The following GPC5 variants were observed in gnomAD, a reference collection of about 807,000 sequenced individuals.
The protein encoded by GPC5 is glypican-5.
GPC5 carries 47 observed loss-of-function variants against 53.9 expected under a neutral mutation model. The observed-to-expected ratio is 0.87, with a 90% confidence interval of 0.69 to 1.11. The LOEUF (loss-of-function observed/expected upper bound fraction) is 1.11, where lower values mean the gene tolerates loss of function less well. Ranked by LOEUF, GPC5 falls within the 50% of genes most tolerant of loss-of-function variation. GPC5 has a pLI of 0.00. For missense variants in GPC5, 748 were observed against 713.1 expected (o/e 1.05, Z -0.56); for synonymous variants, 286 against 263.3 (o/e 1.09, Z -0.84).
chr13:91,576,694 C>T (rs2032149625), intron 2 of GPC5, among the ~76,000 whole-genome samples: 1 of 152,090 alleles, frequency 6.6e-6, no homozygotes, highest in African/African-American at 2.4e-5. Context: ...AGAGCTGCAA[C>T]AATGGAAAGG....
chr13:91,721,966 A>G (rs1342673212), intron 3 of GPC5, among the ~76,000 whole-genome samples: 7 of 152,206 alleles, frequency 4.6e-5, no homozygotes. Flanking sequence ...TCACTGGAAT[A>G]TAAGCTCCTA....
chr13:91,889,899 T>A (rs1396154097), intron 5 of GPC5, among the ~76,000 whole-genome samples: 2 of 152,302 alleles, frequency 1.3e-5, no homozygotes, highest in Middle Eastern at 3.4e-3. Flanking sequence ...AAATAAAATG[T>A]TATCAATCAA....
intron 5 of GPC5, among the ~76,000 whole-genome samples, chr13:91,775,650 A>G (rs1462201076): frequency 6.6e-6 from 1 of 152,204 alleles, no homozygotes; most frequent in Non-Finnish European, 1.5e-5. Context: ...TTCAAAATCA[A>G]AAGTAAATGT....
chr13:92,751,031 C>T (rs955205548), intron 7 of GPC5, among the ~76,000 whole-genome samples: 4 of 151,994 alleles, frequency 2.6e-5, no homozygotes, highest in Non-Finnish European at 5.9e-5. Flanking sequence ...TAGTATAAAA[C>T]AGCACCTCTA....
intron 6 of GPC5, among the ~76,000 whole-genome samples, chr13:92,084,287 A>T (rs1165687061): frequency 1.3e-5 from 2 of 152,204 alleles, no homozygotes; most frequent in African/African-American, 4.8e-5. Context: ...AATTTTTTTT[A>T]AATATAACAT....
chr13:92,746,528 A>C (rs931014479), intron 7 of GPC5, among the ~76,000 whole-genome samples: 1 of 152,110 alleles, frequency 6.6e-6, no homozygotes, highest in African/African-American at 2.4e-5. Context: ...CAAAGGAATT[A>C]ATACAGGTTT....
intron 7 of GPC5, among the ~76,000 whole-genome samples, chr13:92,646,791 T>G (rs1174695307): frequency 7.2e-6 from 1 of 139,294 alleles, no homozygotes; most frequent in East Asian, 1.9e-4. Flanking sequence ...TTGCAAATGG[T>G]ATTATGTTTT....
intron 7 of GPC5, among the ~76,000 whole-genome samples, chr13:92,465,277 T>C (rs1422869209): frequency 6.6e-6 from 1 of 151,950 alleles, no homozygotes; most frequent in African/African-American, 2.4e-5. Context: ...TATAGAAGCA[T>C]TTTATGCAGC....
At chr13:92,212,061 G>A (rs1384301302) in intron 7 of GPC5, among the ~76,000 whole-genome samples, 1 of 149,330 alleles carries the variant, frequency 6.7e-6, no homozygotes, top group Admixed American at 6.7e-5. Flanking sequence ...TCCGCAGGTG[G>A]TAAGTGCCAC....
chr13:91,449,584 A>T (rs761073427), intron 2 of GPC5, among the ~76,000 whole-genome samples: 1 of 152,068 alleles, frequency 6.6e-6, no homozygotes, highest in Non-Finnish European at 1.5e-5. Context: ...CTCTAATCTC[A>T]TATGGTTTTC....
At chr13:92,584,027 C>A (rs977310219) in intron 7 of GPC5, among the ~76,000 whole-genome samples, 2 of 152,152 alleles carry the variant, frequency 1.3e-5, no homozygotes, top group African/African-American at 4.8e-5. Context: ...AAACCTCTTT[C>A]TTTTGTGAAT....
At chr13:91,946,038 T>G (rs1004969678) in intron 6 of GPC5, among the ~76,000 whole-genome samples, 4 of 152,152 alleles carry the variant, frequency 2.6e-5, no homozygotes, top group African/African-American at 9.7e-5. Flanking sequence ...CGGGGGCTTC[T>G]ACTTCTGGGT....
At position 91,965,088 on chromosome 13, in the gene GPC5, T is replaced by TG. The variant is rs946914187; in HGVS notation, c.1401+57037dup. Among the ~76,000 whole-genome samples, 4 of 60,032 alleles carry TG rather than the reference T, an allele frequency of 6.7e-5. No individual in the cohort carries two copies. The East Asian group carries it at 2.6e-3, about 39-fold the overall frequency. The allele number at this position is 60,032 out of a possible 152,430, so 39.4% of individuals were successfully genotyped here. A position where few individuals can be genotyped will look rare whatever the true frequency, so the allele number is the denominator to read the frequency against. On this transcript the variant is annotated intron_variant, in intron 6 of 7. Transcript: ENST00000377067. ...TCACACACTGGGGCCTGTCATGGGG[T>TG]GGGGGGAGGGGGGAGAGATAGCATT...
chr13:92,423,040 A>G (rs1876652153), intron 7 of GPC5, among the ~76,000 whole-genome samples: 1 of 152,238 alleles, frequency 6.6e-6, no homozygotes, highest in Admixed American at 6.5e-5. Flanking sequence ...TCAAGGTGCC[A>G]GTACATTGAG....
At chr13:92,396,151 GT>G (rs1301497765) in intron 7 of GPC5, among the ~76,000 whole-genome samples, 1 of 151,964 alleles carries the variant, frequency 6.6e-6, no homozygotes, top group Non-Finnish European at 1.5e-5. Context: ...TGGATTTATA[GT>G]TTGTTTTTGT....
At chr13:91,761,581 T>C (rs2037413814) in intron 5 of GPC5, among the ~76,000 whole-genome samples, 1 of 152,152 alleles carries the variant, frequency 6.6e-6, no homozygotes, top group South Asian at 2.1e-4. Flanking sequence ...TCAATGAATC[T>C]GATGGAGCAG....
chr13:92,641,427 G>A (rs984619431), intron 7 of GPC5, among the ~76,000 whole-genome samples: 7 of 152,100 alleles, frequency 4.6e-5, no homozygotes, highest in Admixed American at 2.6e-4. Context: ...GCAGAGAAAC[G>A]CTGATAGAAT....
intron 6 of GPC5, among the ~76,000 whole-genome samples, chr13:92,095,196 G>C (rs2138902791): frequency 6.6e-6 from 1 of 152,244 alleles, no homozygotes; most frequent in Middle Eastern, 3.4e-3. Flanking sequence ...CATTCACAGA[G>C]CAGGAAAAAT....
chr13:92,332,680 A>C (rs1012651433), intron 7 of GPC5, among the ~76,000 whole-genome samples: 1 of 152,234 alleles, frequency 6.6e-6, no homozygotes, highest in African/African-American at 2.4e-5. Context: ...AAATATTTCA[A>C]TATAATTTGG....
Sources: gnomAD v4.1 joint callset for allele counts (sites outside exome capture counted in the v4.1 genomes callset) on GRCh38, gnomAD v4.1.1 for gene constraint, MANE v1.5 for transcripts, NCBI Gene and HGNC (gene_info 2026-07-23, HGNC 2026-07-21) for gene names.